SV2B: variants seen among roughly 807,000 people sequenced by gnomAD.
SV2B encodes the protein solute carrier family 22 member B2.
SV2B carries 41 observed loss-of-function variants against 73.9 expected under a neutral mutation model. The ratio of observed to expected loss-of-function variants is 0.56; its 90% confidence interval spans 0.43 to 0.72. The LOEUF is 0.72. Ranked by LOEUF, SV2B falls within the 30% of genes least tolerant of loss-of-function variation. The pLI, the probability that SV2B is intolerant of heterozygous loss-of-function variation, is 0.00. For synonymous variants in SV2B, 314 were observed against 314.2 expected, an observed-to-expected ratio of 1.00 and a Z score of 0.01; for missense variants, 764 against 857.8, an observed-to-expected ratio of 0.89 and a Z score of 1.37.
Position 91,281,784 on chromosome 15 carries a change from G to C in SV2B, c.1430G>C (p.Cys477Ser). The change falls in exon 10 of 13, where the codon TGC (cysteine) becomes TCC (serine). Residue 477 changes from cysteine (C) to serine (S), a missense_variant. By Grantham distance (112) the Cys-to-Ser change is moderately radical (BLOSUM62 -1). Transcript: ENST00000394232. This position sits in a 1 kb window ranked among gnomAD's most constrained non-coding sequence, Gnocchi z 4.7. Reference protein sequence around the residue: ...VLFEDTFFDECYFEDVTSTDT... With the variant: ...VLFEDTFFDESYFEDVTSTDT... ...TTTGAGGACACATTCTTTGACGAGT[G>C]CTATTTTGAAGACGTAACATCAACA... 6.2e-6 allele frequency: 10 copies of C among 1,613,164 alleles called. No homozygotes were observed. Among genetic ancestry groups the C allele is most frequent in the Non-Finnish European group, 8.5e-6 (10 of 1,179,438 alleles).
chr15:91,105,256 G>A lies in SV2B; in HGVS notation c.-392+4893G>A, dbSNP rs2041851109. On this transcript the variant is annotated intron_variant, in intron 1 of 12. Transcript: ENST00000394232. The surrounding 1 kb of genome is among the most constrained non-coding windows in gnomAD (Gnocchi z 5.5). ...AATGTTGAGCAGGGAAAGGAAGATGGGGGGTGCCTTGTTGTGTTGGAGTGG... is the reference window on the plus strand; with the variant it reads ...AATGTTGAGCAGGGAAAGGAAGATGAGGGGTGCCTTGTTGTGTTGGAGTGG... Among the ~76,000 whole-genome samples the A allele has an allele frequency of 1.3e-5, 2 of 152,184 alleles. No individual in the cohort carries two copies. Among genetic ancestry groups the A allele is most frequent in the African/African-American group, 4.8e-5 (2 of 41,440 alleles).
In SV2B at chr15:91,268,540, C is replaced by T. The variant is rs140230861; in HGVS notation, c.1308C>T (p.Tyr436=). 9.3e-5 allele frequency: 150 copies of T among 1,613,946 alleles called. No individual in the cohort carries two copies. The highest frequency in any genetic ancestry group is 6.0e-4 in the East Asian group (27 of 44,880). The part of the protein sequence containing the change: ...KMKVFFGEHV[Y]GATINFTMEN... ...AGGTGTTTTTTGGTGAGCATGTGTA[C>T]GGCGCCACAATCAACTTCACGATGG... The change falls in exon 9 of 13, where the codon TAC becomes TAT. Residue 436 remains tyrosine, a synonymous_variant. Transcript: ENST00000394232. The surrounding 1 kb of genome is among the most constrained non-coding windows in gnomAD (Gnocchi z 4.4).
At chr15:91,153,214 C>A (rs78788376) in intron 1 of SV2B, among the ~76,000 whole-genome samples, 11 of 152,312 alleles carry the variant, frequency 7.2e-5, no homozygotes, top group African/African-American at 2.6e-4. Context: ...TCACCTCCAC[C>A]TCTTAATACT....
chr15:91,114,011 A>G (rs189989137), intron 1 of SV2B, among the ~76,000 whole-genome samples: 1 of 152,176 alleles, frequency 6.6e-6, no homozygotes, highest in East Asian at 1.9e-4. Flanking sequence ...TCCCTGGCAC[A>G]TAGTAGGTGC....
rs1489679656 is a variant in SV2B at position 91,267,702 on chromosome 15, C to T, written c.1208+59C>T. ...CTGTGCCTCAGTGGCCTCCTTTACACATTGAGGATTACAGTGAGTTCTGAC... is the reference window on the plus strand; with the variant it reads ...CTGTGCCTCAGTGGCCTCCTTTACATATTGAGGATTACAGTGAGTTCTGAC... On this transcript the variant is annotated intron_variant, in intron 8 of 12. Transcript: ENST00000394232. The surrounding 1 kb of genome is among the most constrained non-coding windows in gnomAD (Gnocchi z 4.3). The T allele has an allele frequency of 7.6e-7, 1 of 1,323,448 alleles. No homozygotes were observed. The highest frequency in any genetic ancestry group is 1.4e-5 in the African/African-American group (1 of 69,450). 82.0% of individuals were successfully genotyped at this position (1,323,448 alleles called of 1,614,324 possible). A position where few individuals can be genotyped will look rare whatever the true frequency, so the allele number is the denominator to read the frequency against.
chr15:91,244,009 A>T (rs1009060783), intron 2 of SV2B, among the ~76,000 whole-genome samples: 2 of 152,214 alleles, frequency 1.3e-5, no homozygotes, highest in African/African-American at 2.4e-5. Context: ...GTCCTTGAAG[A>T]GTATTAGTGT....
At chr15:91,186,165 T>A (rs2044762159) in intron 1 of SV2B, among the ~76,000 whole-genome samples, 1 of 152,198 alleles carries the variant, frequency 6.6e-6, no homozygotes, top group African/African-American at 2.4e-5. Context: ...TGGATATTTA[T>A]CGGTGAGATA....
chr15:91,285,853 C>T (rs376655888), intron 11 of SV2B, among the ~76,000 whole-genome samples: 1 of 152,108 alleles, frequency 6.6e-6, no homozygotes, highest in East Asian at 1.9e-4. Context: ...AAGGACCTGC[C>T]ACATGCCCCC....
In SV2B at chr15:91,118,374, T is replaced by G. The variant is rs1432103267; in HGVS notation, c.-392+18011T>G. Among the ~76,000 whole-genome samples the G allele has an allele frequency of 6.6e-6, 1 of 152,194 alleles. No individual in the cohort carries two copies. The highest frequency in any genetic ancestry group is 1.5e-5 in the Non-Finnish European group (1 of 68,030). ...TGGAAATTTTGGCAGGCAGCTGATTTAATGGAGTAGCCCATGCCAGCAAGA... is the reference window on the plus strand; with the variant it reads ...TGGAAATTTTGGCAGGCAGCTGATTGAATGGAGTAGCCCATGCCAGCAAGA... On this transcript the variant is annotated intron_variant, in intron 1 of 12. Transcript: ENST00000394232. This position sits in a 1 kb window ranked among gnomAD's most constrained non-coding sequence, Gnocchi z 4.7.
At chr15:91,238,763 A>T (rs935671977) in intron 2 of SV2B, among the ~76,000 whole-genome samples, 15 of 152,122 alleles carry the variant, frequency 9.9e-5, no homozygotes, top group Non-Finnish European at 2.1e-4. Context: ...GCTGCCAGAG[A>T]GCTGAGTGGT....
At chr15:91,270,816 G>GGACGGTGAGTCCTGT (rs1567417561) in intron 9 of SV2B, among the ~76,000 whole-genome samples, 5 of 101,762 alleles carry the variant, frequency 4.9e-5, no homozygotes, top group Non-Finnish European at 8.3e-5. Flanking sequence ...GGATGATGGG[G>GGACGGTGAGTCCTGT]GGATGGTGAA....
intron 1 of SV2B, among the ~76,000 whole-genome samples, chr15:91,183,051 C>A (rs8037378): frequency 0.35 from 53,853 of 152,000 alleles, 10,004 homozygotes; most frequent in East Asian, 0.7. Flanking sequence ...TATTCTAAGG[C>A]AGAGACAGAC....
intron 1 of SV2B, among the ~76,000 whole-genome samples, chr15:91,149,730 G>T (rs1352269571): frequency 6.6e-6 from 1 of 152,186 alleles, no homozygotes; most frequent in Non-Finnish European, 1.5e-5. Context: ...CTGAGGCTCA[G>T]GGAAGGATTT....
chr15:91,258,580 G>A lies in SV2B; in HGVS notation c.918+26G>A, dbSNP rs200116081. ...GTGAGTCAGTGCTTTTCCACCAGGG[G>A]GAGAGTGACAAAACAGCCACAGGAA... On this transcript the variant is annotated intron_variant, in intron 5 of 12. Transcript: ENST00000394232. The surrounding 1 kb of genome is among the most constrained non-coding windows in gnomAD (Gnocchi z 4.7). 14 of 1,612,246 alleles carry A rather than the reference G, an allele frequency of 8.7e-6. No individual in the cohort carries two copies. The East Asian group carries it at 3.1e-4, about 36-fold the overall frequency.
rs1186572572 is a variant in SV2B at position 91,139,592 on chromosome 15, C to T, written c.-392+39229C>T. Among the ~76,000 whole-genome samples the T allele has an allele frequency of 1.3e-5, 2 of 152,160 alleles. No individual in the cohort carries two copies. Among genetic ancestry groups the T allele is most frequent in the East Asian group, 1.9e-4 (1 of 5,198 alleles). The stretch of plus-strand genomic sequence containing the variant: ...AGGGCACTAAGTTAAGCTGCAACCC[C>T]AGCTAAGGTGATCCCAGGTCTACAG... On this transcript the variant is annotated intron_variant, in intron 1 of 12. Coordinates refer to ENST00000394232, the MANE Select transcript of SV2B (RefSeq NM_001323032.3). The surrounding 1 kb of genome is among the most constrained non-coding windows in gnomAD (Gnocchi z 5.2).
Position 91,207,185 on chromosome 15 carries a change from C to CTTTT in SV2B, c.-391-18672_-391-18669dup, listed in dbSNP as rs1228201080. On this transcript the variant is annotated intron_variant, in intron 1 of 12. Coordinates refer to ENST00000394232, the MANE Select transcript of SV2B (RefSeq NM_001323032.3). ...TACAGGCACACGCCATTATGCCTGG[C>CTTTT]TTTTTTTTTTTTTTTTTTTGAGAGA... is the stretch of plus-strand genomic sequence containing the variant. Among the ~76,000 whole-genome samples the CTTTT allele has an allele frequency of 3.3e-4, 42 of 126,900 alleles. 1 individual carries two copies. Among genetic ancestry groups the CTTTT allele is most frequent in the East Asian group, 2.1e-3 (9 of 4,374 alleles). The allele number at this position is 126,900 out of a possible 152,430, so 83.3% of individuals were successfully genotyped here.
At chr15:91,159,277 G>A (rs74506025) in intron 1 of SV2B, among the ~76,000 whole-genome samples, 5,553 of 152,140 alleles carry the variant, frequency 0.036, 353 homozygotes, top group African/African-American at 0.12. Flanking sequence ...TATAATGTTC[G>A]GTCTTTTACA....
chr15:91,111,487 C>T (rs1170021629), intron 1 of SV2B, among the ~76,000 whole-genome samples: 5 of 152,046 alleles, frequency 3.3e-5, no homozygotes, highest in Non-Finnish European at 5.9e-5. Context: ...GGCTGGAAGC[C>T]GTTGCTATTG....
chr15:91,104,736 G>A (rs535787927), intron 1 of SV2B, among the ~76,000 whole-genome samples: 2 of 152,288 alleles, frequency 1.3e-5, no homozygotes, highest in South Asian at 2.1e-4. Flanking sequence ...AGGTTCAAGC[G>A]ATTCTTCTGC....
Sources: allele counts gnomAD v4.1 joint callset (sites outside exome capture counted in the v4.1 genomes callset), GRCh38; gene constraint gnomAD v4.1.1; non-coding constraint Gnocchi (gnomAD v3.1); transcripts MANE v1.5; gene names NCBI Gene and HGNC (gene_info 2026-07-23, HGNC 2026-07-21).